CEP112: variants seen among roughly 807,000 people sequenced by gnomAD.
CEP112 encodes centrosomal protein of 112 kDa.
Under a neutral mutation model 153.0 loss-of-function variants are expected in CEP112, and 127 were observed. The observed-to-expected ratio is 0.83, with a 90% CI of 0.72 to 0.96. The LOEUF (loss-of-function observed/expected upper bound fraction) is 0.96, where lower values mean the gene tolerates loss of function less well. Ranked by LOEUF, CEP112 falls within the 40% of genes least tolerant of loss-of-function variation. The pLI is 0.00. For missense variants in CEP112, 1,089 were observed against 1,101.2 expected (o/e 0.99, Z 0.16); for synonymous variants, 358 against 374.4 (o/e 0.96, Z 0.51).
chr17:65,688,365 C>G (rs1435980796), intron 24 of CEP112: 1 of 152,274 alleles, frequency 6.6e-6, no homozygotes, highest in Admixed American at 6.5e-5. Context: ...AGTTTCATCA[C>G]CAGCAGGTGG....
In CEP112 at chr17:65,851,947, G is replaced by T. The variant is rs779551655; in HGVS notation, c.2251C>A (p.Leu751Ile). 1 of 1,614,054 alleles carries T rather than the reference G, an allele frequency of 6.2e-7. No homozygotes were observed. Among genetic ancestry groups the T allele is most frequent in the Admixed American group, 1.7e-5 (1 of 60,018 alleles). The change falls in exon 21 of 27, where the codon CTT becomes ATT. Residue 751 changes from leucine (L) to isoleucine (I), a missense_variant. Coordinates refer to ENST00000535342, the MANE Select transcript of CEP112 (RefSeq NM_001199165.4). ...TTTTCCTCTTCACGAAGAAGACCAA[G>T]CTCTACCAGCTGCTGTTTCCGCTGT... Reference protein sequence around the residue: ...NSQRKQQLVELGLLREEEKQR... With the variant: ...NSQRKQQLVEIGLLREEEKQR...
chr17:65,829,160 A>G (rs2056973233), intron 21 of CEP112, among the ~76,000 whole-genome samples: 1 of 152,166 alleles, frequency 6.6e-6, no homozygotes, highest in South Asian at 2.1e-4. Flanking sequence ...TTTCTTTATT[A>G]CTTATGAGAA....
chr17:65,673,884 T>C (rs1567844816), intron 24 of CEP112, among the ~76,000 whole-genome samples: 2 of 152,174 alleles, frequency 1.3e-5, no homozygotes, highest in Non-Finnish European at 2.9e-5. Flanking sequence ...AAATAAACTT[T>C]CTTTTTTTTG....
intron 23 of CEP112, among the ~76,000 whole-genome samples, chr17:65,736,285 G>C (rs1379329880): frequency 6.6e-6 from 1 of 152,122 alleles, no homozygotes; most frequent in Non-Finnish European, 1.5e-5. Flanking sequence ...GATGACGGTG[G>C]TACTTTAATT....
In CEP112 at chr17:65,651,666, CTTCCTTCCTTCCTTCCTTCT is replaced by C. The variant is rs1156239666; in HGVS notation, c.2698-10621_2698-10602del. The stretch of plus-strand genomic sequence containing the variant: ...CTCTCTTTCTTTCTCTTTCTTTCTC[CTTCCTTCCTTCCTTCCTTCT>C]TTCCTTCCTTCCTTCCTTTCTTTTC... On this transcript the variant is annotated intron_variant, in intron 24 of 26. Transcript: ENST00000535342. Among the ~76,000 whole-genome samples the C allele has an allele frequency of 8.0e-4, 116 of 145,816 alleles. 1 individual carries two copies. The highest frequency in any genetic ancestry group is 2.8e-3 in the African/African-American group (109 of 39,630).
At chr17:65,838,979 C>A (rs1002679894) in intron 21 of CEP112, among the ~76,000 whole-genome samples, 1 of 151,982 alleles carries the variant, frequency 6.6e-6, no homozygotes, top group Non-Finnish European at 1.5e-5. Context: ...CCAGAACAGA[C>A]CAGTAATACA....
intron 20 of CEP112, among the ~76,000 whole-genome samples, chr17:65,869,876 C>T (rs142098838): frequency 0.01 from 1,537 of 151,886 alleles, 17 homozygotes; most frequent in Non-Finnish European, 0.01. Flanking sequence ...TGAGCCACCA[C>T]GCCAGGCCGA....
intron 20 of CEP112, among the ~76,000 whole-genome samples, chr17:65,881,635 T>C (rs2059079436): frequency 6.6e-6 from 1 of 152,208 alleles, no homozygotes; most frequent in African/African-American, 2.4e-5. Context: ...AAAGAACAAG[T>C]GATGGCTCTG....
At chr17:66,034,970 T>TTTTTTGTGTGTGTGTGTGTGTGTG (rs1555777524) in intron 12 of CEP112, among the ~76,000 whole-genome samples, 2 of 96,740 alleles carry the variant, frequency 2.1e-5, no homozygotes, top group Admixed American at 1.4e-4. Flanking sequence ...AGCTAAGTTT[T>TTTTTTGTGTGTGTGTGTGTGTGTG]TGCATGTATA....
intron 1 of CEP112, among the ~76,000 whole-genome samples, chr17:66,188,590 T>G (rs1382189087): frequency 6.6e-6 from 1 of 150,612 alleles, no homozygotes; most frequent in Non-Finnish European, 1.5e-5. Context: ...TGCTGTTTTT[T>G]TTTTTTTTTA....
intron 20 of CEP112, among the ~76,000 whole-genome samples, chr17:65,879,964 G>A (rs2059001190): frequency 6.6e-6 from 1 of 151,044 alleles, no homozygotes; most frequent in South Asian, 2.1e-4. Context: ...AATTATCAAA[G>A]AAATCATCCA....
At chr17:65,778,080 G>A (rs2053787043) in intron 21 of CEP112, among the ~76,000 whole-genome samples, 1 of 152,166 alleles carries the variant, frequency 6.6e-6, no homozygotes, top group Admixed American at 6.5e-5. Context: ...CGAAGGATCA[G>A]TCCTGCTTAC....
intron 24 of CEP112, among the ~76,000 whole-genome samples, chr17:65,668,237 A>C (rs192433529): frequency 6.6e-5 from 10 of 152,206 alleles, no homozygotes; most frequent in African/African-American, 2.4e-4. Flanking sequence ...CATTTCAATA[A>C]ACTATAAGTT....
At chr17:65,767,630 T>C (rs1181243790) in intron 21 of CEP112, among the ~76,000 whole-genome samples, 2 of 151,732 alleles carry the variant, frequency 1.3e-5, no homozygotes, top group African/African-American at 4.8e-5. Context: ...CTCTTAGTTA[T>C]ACCAGCTTAA....
intron 21 of CEP112, among the ~76,000 whole-genome samples, chr17:65,844,634 G>A (rs990318872): frequency 2.9e-3 from 36 of 12,560 alleles, no homozygotes; most frequent in African/African-American, 4.7e-3. Flanking sequence ...GCAGTGAGCC[G>A]AGATCAGGCT....
chr17:65,852,829 C>A (rs2058012079), intron 20 of CEP112, among the ~76,000 whole-genome samples: 1 of 150,716 alleles, frequency 6.6e-6, no homozygotes, highest in Non-Finnish European at 1.5e-5. Context: ...CTTCTAACTT[C>A]TTATTTTGGA....
At chr17:65,876,087 C>G (rs879294320) in intron 20 of CEP112, among the ~76,000 whole-genome samples, 3 of 152,212 alleles carry the variant, frequency 2.0e-5, no homozygotes, top group Non-Finnish European at 4.4e-5. Flanking sequence ...TCACACTCCA[C>G]TTCTGTTCCA....
intron 21 of CEP112, among the ~76,000 whole-genome samples, chr17:65,821,738 G>C (rs1568068311): frequency 6.7e-6 from 1 of 150,242 alleles, no homozygotes; most frequent in African/African-American, 2.4e-5. Context: ...TTTTAGTAGA[G>C]ATGAGGTTTC....
rs62063585 is a variant in CEP112, at chr17:65,695,477, C to T, written c.2608-6259G>A. ...AGCCACTCCTTAACTTGTAAAACCA[C>T]ACATTAAGGAATTATGTATAGTCTT... On this transcript the variant is annotated intron_variant, in intron 23 of 26. Transcript: ENST00000535342. Among the ~76,000 whole-genome samples the T allele has an allele frequency of 6.2e-3, 944 of 152,248 alleles. 9 individuals carry two copies. The highest frequency in any genetic ancestry group is 9.9e-3 in the Non-Finnish European group (674 of 68,012).
Sources: gnomAD v4.1 joint callset for allele counts (sites outside exome capture counted in the v4.1 genomes callset) on GRCh38, gnomAD v4.1.1 for gene constraint, MANE v1.5 for transcripts, NCBI Gene and HGNC (gene_info 2026-07-23, HGNC 2026-07-21) for gene names.